Variants in RUNX1 observed in about 807,000 individuals in gnomAD.
RUNX1 encodes RUNX family transcription factor 1, also known as runt-related transcription factor 1.
Under a neutral mutation model 42.8 loss-of-function variants are expected in RUNX1, and 19 were observed. The observed-to-expected ratio is 0.44, with a 90% CI of 0.31 to 0.65. RUNX1 has a LOEUF of 0.65. Ranked by LOEUF, RUNX1 falls within the 30% of genes least tolerant of loss-of-function variation. The probability of loss-of-function intolerance (pLI) is 0.07; values close to 1 mark genes in which losing one functional copy is unlikely to be tolerated. For synonymous variants in RUNX1, 271 were observed against 289.4 expected (o/e 0.94, Z 0.64); for missense variants, 528 against 672.0 (o/e 0.79, Z 2.37).
At chr21:34,971,183 G>T (rs1404266509) in intron 2 of RUNX1, among the ~76,000 whole-genome samples, 1 of 152,170 alleles carries the variant, frequency 6.6e-6, no homozygotes, top group African/African-American at 2.4e-5. Flanking sequence ...GGCTCCTAGA[G>T]CTATGAAGAA....
chr21:35,016,881 T>TTG (rs139916478), intron 2 of RUNX1, among the ~76,000 whole-genome samples: 50,061 of 149,172 alleles, frequency 0.34, 8,107 homozygotes, highest in East Asian at 0.47. Flanking sequence ...TGTGTGCACA[T>TTG]TGTGTGTGTG....
At chr21:34,965,236 T>C (rs1398418154) in intron 2 of RUNX1, among the ~76,000 whole-genome samples, 1 of 97,056 alleles carries the variant, frequency 1.0e-5, no homozygotes, top group Non-Finnish European at 2.2e-5. Context: ...GCCAACACAC[T>C]GCCATGCACA....
At chr21:34,889,785 A>C in intron 3 of RUNX1, 1 of 1,140,338 alleles carries the variant, frequency 8.8e-7, no homozygotes, top group South Asian at 2.4e-5. Context: ...GTGCGCTGCC[A>C]ACTCCGACCC....
chr21:34,909,934 TTCC>T lies in RUNX1; in HGVS notation c.59-16974_59-16972del, dbSNP rs376136409. Among the ~76,000 whole-genome samples the T allele has an allele frequency of 3.2e-4, 49 of 152,254 alleles. 1 individual carries two copies. In the East Asian group the frequency reaches 6.6e-3, roughly 20 times the overall value. ...CTCCCTCCTTGCTTCCTTCCGCCTC[TTCC>T]TCCTCCTCCTTCTTCTTCAACTATT... On this transcript the variant is annotated intron_variant, in intron 2 of 8. Coordinates refer to ENST00000675419, the MANE Select transcript of RUNX1 (RefSeq NM_001754.5).
In RUNX1 at chr21:35,029,612, C is replaced by T. The variant is rs937389954; in HGVS notation, c.58+19230G>A. Among the ~76,000 whole-genome samples the T allele has an allele frequency of 2.0e-5, 3 of 152,186 alleles. No homozygotes were observed. The East Asian group carries it at 5.8e-4, about 29-fold the overall frequency. ...TAGTGTTCCTAGCCATTCCTTGCCT[C>T]AGGCACCTTCACTACCATCCCAATC... On this transcript the variant is annotated intron_variant, in intron 2 of 8. Coordinates refer to ENST00000675419, the MANE Select transcript of RUNX1 (RefSeq NM_001754.5).
intron 6 of RUNX1, among the ~76,000 whole-genome samples, chr21:34,847,053 C>G (rs147820679): frequency 6.6e-6 from 1 of 152,184 alleles, no homozygotes; most frequent in Non-Finnish European, 1.5e-5. Flanking sequence ...AAAAGGAATA[C>G]GGACTCAGCA....
At chr21:34,875,654 T>C (rs903116549) in intron 5 of RUNX1, among the ~76,000 whole-genome samples, 1 of 152,312 alleles carries the variant, frequency 6.6e-6, no homozygotes, top group Non-Finnish European at 1.5e-5. Flanking sequence ...TTCTATTATA[T>C]GAATCTGTTA....
At chr21:34,846,676 A>G (rs1243673812) in intron 6 of RUNX1, among the ~76,000 whole-genome samples, 2 of 152,174 alleles carry the variant, frequency 1.3e-5, no homozygotes, top group Non-Finnish European at 2.9e-5. Flanking sequence ...TCCCTCGCCC[A>G]GGGCTCAAGA....
chr21:34,835,502 G>A (rs1335171705), intron 6 of RUNX1, among the ~76,000 whole-genome samples: 2 of 152,028 alleles, frequency 1.3e-5, no homozygotes, highest in Non-Finnish European at 2.9e-5. Flanking sequence ...CAAAACAACC[G>A]TCACCAGGAA....
At chr21:34,930,289 T>TATATATATATATATAAATAAATAA (rs1555906453) in intron 2 of RUNX1, among the ~76,000 whole-genome samples, 2 of 137,350 alleles carry the variant, frequency 1.5e-5, no homozygotes, top group African/African-American at 6.3e-5. Context: ...TATATATATA[T>TATATATATATATATAAATAAATAA]ATAAATAAAT....
intron 6 of RUNX1, among the ~76,000 whole-genome samples, chr21:34,836,899 C>G (rs986284725): frequency 6.6e-6 from 1 of 152,190 alleles, no homozygotes; most frequent in East Asian, 1.9e-4. Context: ...AGCCAGCAAG[C>G]GTGGGGACCT....
At chr21:34,808,239 G>C (rs758199946) in intron 7 of RUNX1, among the ~76,000 whole-genome samples, 15 of 152,224 alleles carry the variant, frequency 9.9e-5, no homozygotes, top group Non-Finnish European at 1.2e-4. Flanking sequence ...CGTTGTTCCA[G>C]CAATTACTTT....
At chr21:34,864,734 C>T (rs960566086) in intron 5 of RUNX1, among the ~76,000 whole-genome samples, 11 of 152,230 alleles carry the variant, frequency 7.2e-5, no homozygotes, top group Admixed American at 7.2e-4. Context: ...ACAGCAGCAT[C>T]AGTTCCAGCC....
Position 34,909,230 on chromosome 21 carries a change from C to T in RUNX1, c.59-16267G>A, listed in dbSNP as rs2058251596. Among the ~76,000 whole-genome samples, 3 of 152,120 alleles carry T rather than the reference C, an allele frequency of 2.0e-5. No individual in the cohort carries two copies. The South Asian group carries it at 6.2e-4, about 32-fold the overall frequency. On this transcript the variant is annotated intron_variant, in intron 2 of 8. Transcript: ENST00000675419. ...CAGTCCCCATGCTCCTGACAGTACA[C>T]CCGACCCTAAGATTCTTGCTTCGCT...
Position 34,789,724 on chromosome 21 carries a change from A to C in RUNX1, c.*2411T>G. On this transcript the variant is annotated 3_prime_UTR_variant, in exon 9 of 9. Transcript: ENST00000675419. ...CTGGTAAGAGTCTGTGAAACTCTAA[A>C]TGACCAATCCAGTGAGCCTACAATA... is the stretch of plus-strand genomic sequence containing the variant. 4.3e-6 allele frequency: 1 copy of C among 233,276 alleles called. No homozygotes were observed. The highest frequency in any genetic ancestry group is 8.5e-6 in the Non-Finnish European group (1 of 118,048). The allele number at this position is 233,276 out of a possible 1,614,324, so 14.5% of individuals were successfully genotyped here.
chr21:34,859,230 T>C, intron 6 of RUNX1: 1 of 557,538 alleles, frequency 1.8e-6, no homozygotes, highest in African/African-American at 1.9e-5. Flanking sequence ...GGTTCTAACA[T>C]ATGATTCAGT....
chr21:34,888,413 G>T, intron 3 of RUNX1: 3 of 1,067,076 alleles, frequency 2.8e-6, no homozygotes, highest in Non-Finnish European at 3.4e-6. Flanking sequence ...GTTGTAAAAG[G>T]AAAACAATTG....
At chr21:34,834,230 G>T (rs767819513) in intron 7 of RUNX1, 180 bp downstream of exon 7, 55 of 722,206 alleles carry the variant, frequency 7.6e-5, no homozygotes, top group Admixed American at 4.6e-4. Flanking sequence ...TCTGGGGTGG[G>T]TGGGGCCCAA....
chr21:34,894,602 A>G (rs1197155653), intron 2 of RUNX1, among the ~76,000 whole-genome samples: 1 of 152,068 alleles, frequency 6.6e-6, no homozygotes, highest in East Asian at 1.9e-4. Context: ...AAACTGCAAG[A>G]GAGGGGAGGT....
Sources: allele counts gnomAD v4.1 joint callset (sites outside exome capture counted in the v4.1 genomes callset), GRCh38; gene constraint gnomAD v4.1.1; transcripts MANE v1.5; gene names NCBI Gene and HGNC (gene_info 2026-07-23, HGNC 2026-07-21).